F5: variants seen among roughly 807,000 people sequenced by gnomAD.
F5 encodes the protein coagulation factor V.
In F5, 138 loss-of-function variants were observed where a neutral mutation model predicts 216.4. That is an observed-to-expected ratio of 0.64 (90% confidence interval 0.56 to 0.73). F5 has a LOEUF of 0.73. F5 is among the 30% of genes least tolerant of loss of function. The probability of loss-of-function intolerance (pLI) is 0.00; values close to 1 mark genes in which losing one functional copy is unlikely to be tolerated. For synonymous variants in F5, 916 were observed against 930.7 expected (o/e 0.98, Z 0.29); for missense variants, 2,403 against 2,674.0 (o/e 0.90, Z 2.24).
chr1:169,532,673 A>T (rs2101812728), intron 14 of F5, among the ~76,000 whole-genome samples: 1 of 152,318 alleles, frequency 6.6e-6, no homozygotes, highest in African/African-American at 2.4e-5. Context: ...CTAACCAAAG[A>T]GGTGAAAGAT....
rs1282595182 is a variant in F5 at position 169,586,128 on chromosome 1, T to TAA, written c.158+100_158+101insTT. ...ATTAGTTATATTTACTTACCTGAAG[T>TAA]TAAAAAAAAAAAAAGCCATGACATT... On this transcript the variant is annotated intron_variant, in intron 1 of 24. Transcript: ENST00000367797. 4.7e-5 allele frequency: 63 copies of TAA among 1,336,866 alleles called. No homozygotes were observed. In the African/African-American group the frequency reaches 7.6e-4, roughly 16 times the overall value. The allele number at this position is 1,336,866 out of a possible 1,614,324, so 82.8% of individuals were successfully genotyped here. A position where few individuals can be genotyped will look rare whatever the true frequency, so the allele number is the denominator to read the frequency against.
At chr1:169,517,271 AG>A (rs1051715207) in intron 23 of F5, among the ~76,000 whole-genome samples, 1 of 152,178 alleles carries the variant, frequency 6.6e-6, no homozygotes, top group African/African-American at 2.4e-5. Context: ...TAGAATTAAA[AG>A]GAAAAATCTA....
chr1:169,580,310 G>A (rs1660959036), intron 2 of F5, among the ~76,000 whole-genome samples: 1 of 151,836 alleles, frequency 6.6e-6, no homozygotes, highest in South Asian at 2.1e-4. Flanking sequence ...GGAAATCAAG[G>A]TCCATGTCTT....
At chr1:169,564,944 C>T (rs922565429) in intron 3 of F5, among the ~76,000 whole-genome samples, 3 of 152,048 alleles carry the variant, frequency 2.0e-5, no homozygotes, top group African/African-American at 4.8e-5. Flanking sequence ...AAGTCCTTAA[C>T]GTGGACCACA....
intron 6 of F5, 28 bp from the exon 7 acceptor site, chr1:169,555,375 TAACTC>T (rs1361220293): frequency 1.2e-6 from 2 of 1,612,244 alleles, no homozygotes; most frequent in African/African-American, 1.3e-5. Flanking sequence ...GACAATGAAA[TAACTC>T]AAGAGAAGAA....
rs767946672 is a variant in F5, at chr1:169,586,289, T to G, written c.98A>C (p.Gln33Pro). 6.2e-7 allele frequency: 1 copy of G among 1,614,198 alleles called. No individual in the cohort carries two copies. Among genetic ancestry groups the G allele is most frequent in the East Asian group, 2.2e-5 (1 of 44,878 alleles). ...GATGCCCTGAGCAGCCACGTAGAAC[T>G]GCCTTAGCTGTGCCGCTTCTGTCCC... is the stretch of plus-strand genomic sequence containing the variant. ...SQGTEAAQLR[Q>P]FYVAAQGISW... is the part of the protein sequence containing the mutation. Residue 33 changes from glutamine to proline, a missense_variant, in exon 1 of 25, where the codon CAG (glutamine) becomes CCG (proline). Gln to Pro is a moderately conservative substitution (Grantham distance 76). Coordinates refer to ENST00000367797, the MANE Select transcript of F5 (RefSeq NM_000130.5).
rs1660197333 is a variant in F5, at chr1:169,552,541, T to C, written c.1296+16A>G. On this transcript the variant is annotated intron_variant, in intron 8 of 24. Coordinates refer to ENST00000367797, the MANE Select transcript of F5 (RefSeq NM_000130.5). ...CTATGTAATTTCTCCCATGATTCTG[T>C]ATTTGTGTTACTTACTTTGAGTGTG... The C allele has an allele frequency of 6.2e-7, 1 of 1,606,922 alleles. No homozygotes were observed. Among genetic ancestry groups the C allele is most frequent in the Non-Finnish European group, 8.5e-7 (1 of 1,173,784 alleles).
At chr1:169,523,129 G>C in intron 21 of F5, 68 bp downstream of exon 21, 3 of 1,518,138 alleles carry the variant, frequency 2.0e-6, no homozygotes, top group Non-Finnish European at 2.7e-6. Flanking sequence ...ATAATCATTA[G>C]GTATAGTCAT....
intron 14 of F5, among the ~76,000 whole-genome samples, chr1:169,532,598 C>G (rs549699541): frequency 4.6e-5 from 7 of 151,196 alleles, no homozygotes; most frequent in African/African-American, 1.5e-4. Context: ...AAACTGAGAG[C>G]GAAATCAAGA....
At chr1:169,539,352 G>A (rs1412975196) in intron 13 of F5, among the ~76,000 whole-genome samples, 1 of 152,142 alleles carries the variant, frequency 6.6e-6, no homozygotes, top group Non-Finnish European at 1.5e-5. Context: ...CATAAAAGTG[G>A]GTTGTGAGCC....
At position 169,524,916 on chromosome 1, in the gene F5, A is replaced by G. The variant is rs763130267; in HGVS notation, c.5717-8T>C. 2.5e-6 allele frequency: 4 copies of G among 1,608,472 alleles called. No homozygotes were observed. In the African/African-American group the frequency reaches 4.0e-5, roughly 16 times the overall value. On this transcript the variant is annotated splice_polypyrimidine_tract_variant and splice_region_variant and intron_variant, in intron 18 of 24. Transcript: ENST00000367797. ...CCATTGGCATCCTACAGTCTATGAA[A>G]AACAGAAAAAAAATGAATAATTTTT... is the stretch of plus-strand genomic sequence containing the variant.
chr1:169,516,617 A>G (rs954784055), intron 23 of F5, among the ~76,000 whole-genome samples: 1 of 152,190 alleles, frequency 6.6e-6, no homozygotes, highest in Non-Finnish European at 1.5e-5. Flanking sequence ...GTGGTATCTT[A>G]GTGTGTCTTC....
Position 169,556,815 on chromosome 1 carries a change from G to T in F5, c.783C>A (p.Ser261Arg). 6.2e-7 allele frequency: 1 copy of T among 1,614,114 alleles called. No homozygotes were observed. Among genetic ancestry groups the T allele is most frequent in the Non-Finnish European group, 8.5e-7 (1 of 1,180,004 alleles). Reference protein sequence around the residue: ...DHISWHLLGMSSGPELFSIHF... With the variant: ...DHISWHLLGMRSGPELFSIHF... Reference sequence around the variant, plus strand: ...GAATGGAGAATAATTCTGGCCCCGAGCTCATTCCCAGCAGATGCCAGCTGA... The same window carrying T: ...GAATGGAGAATAATTCTGGCCCCGATCTCATTCCCAGCAGATGCCAGCTGA... Residue 261 changes from serine (S) to arginine (R), a missense_variant, in exon 6 of 25, where the codon AGC (serine) becomes AGA (arginine). Ser to Arg is a moderately radical substitution (Grantham distance 110). Coordinates refer to ENST00000367797, the MANE Select transcript of F5 (RefSeq NM_000130.5).
Position 169,542,018 on chromosome 1 carries a change from C to G in F5, c.3072G>C (p.Gln1024His). ...TCTTTTTTCGTGTCTTAATGAGAAA[C>G]TGGCTTTTCTTCAGTCTACTCTTTC... Reference protein sequence around the residue: ...DGGKSRLKKSQFLIKTRKKKK... With the variant: ...DGGKSRLKKSHFLIKTRKKKK... The change falls in exon 13 of 25, where the codon CAG (glutamine) becomes CAC (histidine). Residue 1024 changes from glutamine to histidine, a missense_variant. Around this residue, in one of 4 missense-constraint regions of F5, gnomAD observed 1,425 missense variants for 1,554.8 expected, o/e 0.92. Coordinates refer to ENST00000367797, the MANE Select transcript of F5 (RefSeq NM_000130.5). 1.9e-6 allele frequency: 3 copies of G among 1,614,008 alleles called. No homozygotes were observed. Among genetic ancestry groups the G allele is most frequent in the Non-Finnish European group, 2.5e-6 (3 of 1,179,996 alleles).
At chr1:169,577,560 AATATAT>A (rs3035292) in intron 2 of F5, among the ~76,000 whole-genome samples, 7,029 of 54,078 alleles carry the variant, frequency 0.13, 412 homozygotes, top group South Asian at 0.21. Context: ...GGCTAATTTA[AATATAT>A]ATATATATAT....
At chr1:169,559,875 G>A (rs140922198) in intron 4 of F5, among the ~76,000 whole-genome samples, 1 of 146,440 alleles carries the variant, frequency 6.8e-6, no homozygotes, top group Non-Finnish European at 1.5e-5. Context: ...AAATACATTG[G>A]GCATGTATGT....
At chr1:169,528,720 T>A (rs77263896) in intron 16 of F5, among the ~76,000 whole-genome samples, 3,969 of 152,272 alleles carry the variant, frequency 0.026, 167 homozygotes, top group African/African-American at 0.091. Flanking sequence ...GCGGATTTTT[T>A]AAAAAGTTCC....
intron 4 of F5, among the ~76,000 whole-genome samples, chr1:169,560,047 AG>A (rs531192020): frequency 2.1e-4 from 32 of 152,310 alleles, no homozygotes; most frequent in African/African-American, 7.7e-4. Context: ...AGCCAATAAA[AG>A]TTCTTGTAAA....
Position 169,520,347 on chromosome 1 carries a change from T to C in F5, c.6193+173A>G, listed in dbSNP as rs2213867. On this transcript the variant is annotated intron_variant, in intron 22 of 24. Transcript: ENST00000367797. Reference sequence around the variant, plus strand: ...GTCGGCACTCTGATTGGCAGAACCATTCTTGGTCTAGATCACACTGAGAGT... The same window carrying C: ...GTCGGCACTCTGATTGGCAGAACCACTCTTGGTCTAGATCACACTGAGAGT... 0.24 allele frequency among the ~76,000 whole-genome samples: 37,226 copies of C among 152,110 alleles called. 4,758 individuals carry two copies. The highest frequency in any genetic ancestry group is 0.34 in the Admixed American group (5,241 of 15,280).
Sources: allele counts gnomAD v4.1 joint callset (sites outside exome capture counted in the v4.1 genomes callset), GRCh38; gene constraint gnomAD v4.1.1; regional missense constraint gnomAD v4.1.1; transcripts MANE v1.5; gene names NCBI Gene and HGNC (gene_info 2026-07-23, HGNC 2026-07-21).